The following CEP63 variants were observed in gnomAD, a reference collection of about 807,000 sequenced individuals.
CEP63 encodes centrosomal protein of 63 kDa.
A neutral mutation model predicts 89.1 loss-of-function variants in CEP63; 84 were observed. The ratio of observed to expected loss-of-function variants is 0.94; its 90% confidence interval spans 0.79 to 1.13. The LOEUF (loss-of-function observed/expected upper bound fraction) is 1.13, where lower values mean the gene tolerates loss of function less well. CEP63 is among the 50% of genes most tolerant of loss of function. The probability of loss-of-function intolerance (pLI) is 0.00; values close to 1 mark genes in which losing one functional copy is unlikely to be tolerated. For missense variants in CEP63, 838 were observed against 813.3 expected (o/e 1.03, Z -0.37); for synonymous variants, 267 against 272.5 (o/e 0.98, Z 0.20).
At chr3:134,486,288 C>G (rs1199361409) in intron 1 of CEP63, 86 bp downstream of exon 1, 1 of 985,590 alleles carries the variant, frequency 1.0e-6, no homozygotes. Flanking sequence ...GCTGCCGTGT[C>G]CTGGTCTGGA....
chr3:134,645,148 A>G, the CEP63 span, among the ~76,000 whole-genome samples: 1 of 152,228 alleles, frequency 6.6e-6, no homozygotes, highest in Non-Finnish European at 1.5e-5. Flanking sequence ...GCTACTAGGC[A>G]GACTTTGTCC....
chr3:134,742,202 T>A, the CEP63 span, among the ~76,000 whole-genome samples: 1 of 152,148 alleles, frequency 6.6e-6, no homozygotes, highest in Non-Finnish European at 1.5e-5. Context: ...ACTACTCCTC[T>A]CTCTTCTACT....
At chr3:134,753,455 C>A in the CEP63 span, among the ~76,000 whole-genome samples, 2 of 152,262 alleles carry the variant, frequency 1.3e-5, no homozygotes, top group Admixed American at 1.3e-4. Flanking sequence ...TCTTGTGACA[C>A]ATAGTGAGCT....
the CEP63 span, among the ~76,000 whole-genome samples, chr3:134,673,847 T>A: frequency 6.6e-6 from 1 of 152,172 alleles, no homozygotes; most frequent in East Asian, 1.9e-4. Flanking sequence ...TTGGCCACAT[T>A]CTGTGGTGAG....
chr3:134,546,083 G>A (rs1053349942), intron 7 of CEP63, 66 bp from the exon 8 acceptor site: 16 of 1,549,210 alleles, frequency 1.0e-5, no homozygotes, highest in Middle Eastern at 1.7e-4. Context: ...AAATTTCTGA[G>A]TATTTTGCAG....
downstream of CEP63, chr3:134,565,081 G>T (rs555968619): frequency 1.8e-5 from 9 of 497,318 alleles, no homozygotes; most frequent in Non-Finnish European, 2.3e-5. Flanking sequence ...CCGTGATCAG[G>T]GTACCCAAAT....
At chr3:134,604,437 G>A in the CEP63 span, 1 of 1,613,028 alleles carries the variant, frequency 6.2e-7, no homozygotes, top group South Asian at 1.1e-5. Context: ...ACAGCGTCGG[G>A]GCGCAGCTCT....
the CEP63 span, chr3:134,629,513 T>C: frequency 2.5e-6 from 2 of 801,624 alleles, no homozygotes; most frequent in African/African-American, 1.7e-5. Context: ...CAGGCCCATG[T>C]CACTCTTCTC....
chr3:134,600,627 C>A, the CEP63 span, among the ~76,000 whole-genome samples: 84 of 152,294 alleles, frequency 5.5e-4, no homozygotes, highest in Non-Finnish European at 1.0e-3. Flanking sequence ...TGCCCTGTGG[C>A]CTGGGGGCTG....
At chr3:134,607,138 C>G in the CEP63 span, 1 of 985,452 alleles carries the variant, frequency 1.0e-6, no homozygotes, top group South Asian at 4.7e-5. Context: ...TCAGTTCTTT[C>G]CGATATTTCC....
the CEP63 span, among the ~76,000 whole-genome samples, chr3:134,712,525 A>T: frequency 2.6e-5 from 4 of 152,134 alleles, no homozygotes; most frequent in Non-Finnish European, 5.9e-5. Flanking sequence ...CAAAAATAAC[A>T]TCATATTCTT....
At chr3:134,532,215 C>T (rs546252396) in intron 4 of CEP63, among the ~76,000 whole-genome samples, 1 of 152,150 alleles carries the variant, frequency 6.6e-6, no homozygotes, top group Admixed American at 6.5e-5. Context: ...CTGTGAAATA[C>T]TTGATACCAA....
At chr3:134,514,898 A>G (rs1316541407) in intron 3 of CEP63, among the ~76,000 whole-genome samples, 1 of 152,190 alleles carries the variant, frequency 6.6e-6, no homozygotes, top group Non-Finnish European at 1.5e-5. Flanking sequence ...ATAAAACAAC[A>G]ATAATAGATG....
At chr3:134,749,884 G>A in the CEP63 span, among the ~76,000 whole-genome samples, 3 of 152,034 alleles carry the variant, frequency 2.0e-5, no homozygotes, top group South Asian at 6.2e-4. Context: ...TTCCAGCCCT[G>A]GGCCACACTG....
chr3:134,757,622 T>C, the CEP63 span, among the ~76,000 whole-genome samples: 4 of 152,026 alleles, frequency 2.6e-5, no homozygotes, highest in African/African-American at 7.2e-5. Context: ...AGGAAAGAGA[T>C]GAGAAGTAAC....
chr3:134,489,374 TG>T (rs1279190697), intron 1 of CEP63, among the ~76,000 whole-genome samples: 1 of 151,984 alleles, frequency 6.6e-6, no homozygotes, highest in Non-Finnish European at 1.5e-5. Flanking sequence ...GTGGGATAGT[TG>T]GGGGGGTTGG....
chr3:134,602,819 C>T, the CEP63 span, among the ~76,000 whole-genome samples: 12 of 152,274 alleles, frequency 7.9e-5, no homozygotes, highest in South Asian at 2.1e-4. Context: ...GCAGCTCTGC[C>T]GACAGTGTCC....
At chr3:134,574,334 A>G (rs576641035) in intron 11 of CEP63, among the ~76,000 whole-genome samples, 3 of 152,320 alleles carry the variant, frequency 2.0e-5, no homozygotes, top group South Asian at 4.1e-4. Flanking sequence ...TTACAAAGCA[A>G]TCCAACAGTT....
At chr3:134,706,283 T>G in the CEP63 span, among the ~76,000 whole-genome samples, 1 of 152,204 alleles carries the variant, frequency 6.6e-6, no homozygotes, top group Non-Finnish European at 1.5e-5. Flanking sequence ...GGGTTCTTGG[T>G]CGATCTGTAG....
Sources: allele counts gnomAD v4.1 joint callset (sites outside exome capture counted in the v4.1 genomes callset), GRCh38; gene constraint gnomAD v4.1.1; transcripts MANE v1.5; gene names NCBI Gene and HGNC (gene_info 2026-07-23, HGNC 2026-07-21).